NRXN1: variants seen among roughly 807,000 people sequenced by gnomAD.
The protein encoded by NRXN1 is neurexin 1.
A neutral mutation model predicts 150.9 loss-of-function variants in NRXN1; 39 were observed. That is an observed-to-expected ratio of 0.26 (90% CI 0.20 to 0.34). The LOEUF (loss-of-function observed/expected upper bound fraction) is 0.34. NRXN1 is among the 10% of genes least tolerant of loss of function. The probability of loss-of-function intolerance (pLI) is 1.00; values close to 1 mark genes in which losing one functional copy is unlikely to be tolerated. For missense variants in NRXN1, 1,815 were observed against 1,949.9 expected, an observed-to-expected ratio of 0.93 and a Z score of 1.30; for synonymous variants, 924 against 757.0, an observed-to-expected ratio of 1.22 and a Z score of -3.62.
chr2:50,789,976 C>T (rs1462094644), intron 5 of NRXN1, among the ~76,000 whole-genome samples: 2 of 152,102 alleles, frequency 1.3e-5, no homozygotes, highest in Non-Finnish European at 2.9e-5. Context: ...GCAGGATTGG[C>T]TCTTATCATC....
At chr2:50,198,650 C>T (rs951339378) in intron 18 of NRXN1, among the ~76,000 whole-genome samples, 24 of 151,900 alleles carry the variant, frequency 1.6e-4, no homozygotes, top group African/African-American at 2.2e-4. Flanking sequence ...ATGTGACAAC[C>T]GAAGACACCA....
intron 5 of NRXN1, among the ~76,000 whole-genome samples, chr2:50,779,474 T>A (rs1460259096): frequency 6.6e-6 from 1 of 152,056 alleles, no homozygotes; most frequent in Non-Finnish European, 1.5e-5. Flanking sequence ...AGTGCAGCAA[T>A]AAAAATATGT....
chr2:50,938,100 G>A (rs976314536), intron 2 of NRXN1, among the ~76,000 whole-genome samples: 1 of 151,958 alleles, frequency 6.6e-6, no homozygotes, highest in African/African-American at 2.4e-5. Context: ...ACCTGTGCAG[G>A]GCACTTACCA....
rs149617825 is a variant in NRXN1, at chr2:50,280,596, G to A, written c.3365-43626C>T. Reference sequence around the variant, plus strand: ...CATCTGTAAAGCGGGAGTAACAAAGGCCTACCTTAAAAACGCTTTGAGGAT... The same window carrying A: ...CATCTGTAAAGCGGGAGTAACAAAGACCTACCTTAAAAACGCTTTGAGGAT... On this transcript the variant is annotated intron_variant, in intron 17 of 22. Transcript: ENST00000401669. 7.3e-3 allele frequency among the ~76,000 whole-genome samples: 1,106 copies of A among 152,256 alleles called. 20 individuals are homozygous for A. The highest frequency in any genetic ancestry group is 0.025 in the African/African-American group (1,033 of 41,542).
At chr2:50,022,753 A>T (rs1258250340) in intron 21 of NRXN1, 2 of 152,248 alleles carry the variant, frequency 1.3e-5, no homozygotes, top group African/African-American at 4.8e-5. Context: ...GTATTTAGTT[A>T]TACTCCATAA....
intron 15 of NRXN1, among the ~76,000 whole-genome samples, chr2:50,479,514 A>G (rs1255930243): frequency 6.6e-6 from 1 of 152,214 alleles, no homozygotes; most frequent in African/African-American, 2.4e-5. Context: ...TAGTTTATAC[A>G]TTATTTGAAG....
At chr2:50,744,305 A>AT (rs1160333819) in intron 5 of NRXN1, among the ~76,000 whole-genome samples, 2 of 152,130 alleles carry the variant, frequency 1.3e-5, no homozygotes, top group African/African-American at 4.8e-5. Context: ...AATGTGGAAC[A>AT]AAAAAGAATG....
At chr2:50,972,039 T>A (rs1049525351) in intron 2 of NRXN1, among the ~76,000 whole-genome samples, 1 of 151,884 alleles carries the variant, frequency 6.6e-6, no homozygotes, top group Admixed American at 6.6e-5. Flanking sequence ...ACTCAAAATA[T>A]CATTATTAAT....
intron 5 of NRXN1, chr2:50,919,261 C>T (rs764523161): frequency 7.2e-5 from 11 of 151,736 alleles, no homozygotes; most frequent in African/African-American, 1.5e-4. Context: ...GAAGGATCAA[C>T]ATCAACTCTG....
At chr2:50,804,054 A>G (rs182844849) in intron 5 of NRXN1, among the ~76,000 whole-genome samples, 38 of 152,340 alleles carry the variant, frequency 2.5e-4, no homozygotes, top group Admixed American at 2.3e-3. Flanking sequence ...GAAAATGAAG[A>G]TAAGTAAATA....
chr2:50,140,284 A>G lies in NRXN1; in HGVS notation c.3547-48790T>C, dbSNP rs185747709. Among the ~76,000 whole-genome samples, 253 of 152,268 alleles carry G rather than the reference A, an allele frequency of 1.7e-3. 1 individual carries two copies. Among genetic ancestry groups the G allele is most frequent in the African/African-American group, 5.7e-3 (235 of 41,564 alleles). ...TAGAGAGTATTTTTGAAAAATGTAT[A>G]TTCTCTAGACTTGCTGATTTAAACC... On this transcript the variant is annotated intron_variant, in intron 18 of 22. Transcript: ENST00000401669.
intron 6 of NRXN1, among the ~76,000 whole-genome samples, chr2:50,622,003 T>C (rs775284184): frequency 2.0e-5 from 3 of 152,102 alleles, no homozygotes; most frequent in Non-Finnish European, 4.4e-5. Context: ...CTTCCTTCTG[T>C]GCTTCTCTCA....
intron 17 of NRXN1, among the ~76,000 whole-genome samples, chr2:50,339,597 A>T (rs2077417621): frequency 6.6e-6 from 1 of 152,200 alleles, no homozygotes; most frequent in African/African-American, 2.4e-5. Flanking sequence ...ATCTACTTGT[A>T]TATTTAGTGA....
chr2:50,050,934 A>G (rs980160443), intron 21 of NRXN1, among the ~76,000 whole-genome samples: 2 of 152,022 alleles, frequency 1.3e-5, no homozygotes, highest in Admixed American at 1.3e-4. Flanking sequence ...TTCTTTAATT[A>G]CTGTCACTGG....
At chr2:50,070,900 T>G (rs1314684357) in intron 19 of NRXN1, among the ~76,000 whole-genome samples, 1 of 151,926 alleles carries the variant, frequency 6.6e-6, no homozygotes, top group Non-Finnish European at 1.5e-5. Context: ...GCATAAAATA[T>G]ATCAGAATAA....
chr2:50,837,566 T>C (rs937004718), intron 5 of NRXN1, among the ~76,000 whole-genome samples: 19 of 152,158 alleles, frequency 1.2e-4, no homozygotes, highest in African/African-American at 4.6e-4. Flanking sequence ...ATTTGTTAAG[T>C]TGCATACCTG....
chr2:50,291,883 C>T (rs1486420767), intron 17 of NRXN1, among the ~76,000 whole-genome samples: 1 of 152,070 alleles, frequency 6.6e-6, no homozygotes, highest in African/African-American at 2.4e-5. Context: ...TCACAGCAGC[C>T]CTGTAAGGTT....
chr2:50,784,613 G>A (rs866251614), intron 5 of NRXN1, among the ~76,000 whole-genome samples: 3 of 152,034 alleles, frequency 2.0e-5, no homozygotes, highest in Non-Finnish European at 4.4e-5. Context: ...GGACATAATC[G>A]GAAGCTTAAA....
intron 21 of NRXN1, among the ~76,000 whole-genome samples, chr2:49,973,381 T>A (rs1407627875): frequency 6.6e-6 from 1 of 152,178 alleles, no homozygotes; most frequent in African/African-American, 2.4e-5. Context: ...TAATCACTGA[T>A]CACTAATACG....
Sources: gnomAD v4.1 joint callset for allele counts (sites outside exome capture counted in the v4.1 genomes callset) on GRCh38, gnomAD v4.1.1 for gene constraint, MANE v1.5 for transcripts, NCBI Gene and HGNC (gene_info 2026-07-23, HGNC 2026-07-21) for gene names.